PRKX: variants seen among roughly 807,000 people sequenced by gnomAD.
PRKX encodes cAMP-dependent protein kinase catalytic subunit PRKX.
Under a neutral mutation model 22.0 loss-of-function variants are expected in PRKX, and 12 were observed. That is an observed-to-expected ratio of 0.54 (90% CI 0.35 to 0.88). The LOEUF is 0.88. Among genes scored for constraint, PRKX ranks in the 40% least tolerant of loss-of-function variants. PRKX has a pLI of 0.01. For missense variants in PRKX, 217 were observed against 308.0 expected (o/e 0.70, Z 2.21); for synonymous variants, 134 against 137.7 (o/e 0.97, Z 0.19).
chrX:3,613,473 T>G (rs1284593555), intron 7 of PRKX, among the ~76,000 whole-genome samples: 2 of 110,213 alleles, frequency 1.8e-5, no homozygotes, highest in Admixed American at 2.0e-4. Flanking sequence ...CCAATGTGGA[T>G]AGATAAAACG....
intron 4 of PRKX, among the ~76,000 whole-genome samples, chrX:3,633,060 A>C (rs1926816603): frequency 1.8e-5 from 2 of 110,277 alleles, no homozygotes; most frequent in African/African-American, 6.6e-5. Context: ...TCTACAAAAA[A>C]TTTAAAAATT....
In PRKX at chrX:3,659,721, T is replaced by TTG. The variant is rs1569053367; in HGVS notation, c.336-4310_336-4309insCA. On this transcript the variant is annotated intron_variant, in intron 2 of 8. Coordinates refer to ENST00000262848, the MANE Select transcript of PRKX (RefSeq NM_005044.5). ...TGTTGGAGTGGTGTTTTTTTTGTTT[T>TTG]TTTTTTTGTTTTTTTTTTTTTTGAG... 2.0e-4 allele frequency among the ~76,000 whole-genome samples: 9 copies of TTG among 46,070 alleles called. 2 individuals carry two copies. The highest frequency in any genetic ancestry group is 2.0e-4 in the African/African-American group (3 of 14,931). The allele number at this position is 46,070 out of a possible 115,157, so 40.0% of individuals were successfully genotyped here.
At chrX:3,689,926 G>A (rs749100797) in intron 1 of PRKX, among the ~76,000 whole-genome samples, 118 of 111,001 alleles carry the variant, frequency 1.1e-3, no homozygotes, top group African/African-American at 3.3e-3. Flanking sequence ...GCAGTGAGCC[G>A]AGATGGCACC....
chrX:3,685,475 C>A (rs1928159653), intron 1 of PRKX, among the ~76,000 whole-genome samples: 1 of 111,503 alleles, frequency 9.0e-6, no homozygotes, highest in African/African-American at 3.3e-5. Flanking sequence ...AAATAGGGAT[C>A]ATAATCTTTA....
At chrX:3,673,984 G>C (rs1401485941) in intron 2 of PRKX, among the ~76,000 whole-genome samples, 1 of 111,462 alleles carries the variant, frequency 9.0e-6, no homozygotes, top group East Asian at 2.8e-4. Flanking sequence ...ACCGTGTCTT[G>C]ATCTTGGACT....
At chrX:3,655,684 T>C (rs1927466273) in intron 2 of PRKX, among the ~76,000 whole-genome samples, 1 of 112,600 alleles carries the variant, frequency 8.9e-6, no homozygotes, top group Admixed American at 9.4e-5. Flanking sequence ...GATATGGGTG[T>C]ACATCGGGGC....
intron 2 of PRKX, among the ~76,000 whole-genome samples, chrX:3,671,357 A>T (rs1256978287): frequency 9.0e-6 from 1 of 111,489 alleles, no homozygotes; most frequent in Non-Finnish European, 1.9e-5. Context: ...GGCCTCCAAA[A>T]ATGCAGGGAT....
At chrX:3,659,729 G>GTTTTTTTTTTTT (rs200394116) in intron 2 of PRKX, among the ~76,000 whole-genome samples, 1 of 32,657 alleles carries the variant, frequency 3.1e-5, no homozygotes, top group Non-Finnish European at 6.4e-5. Flanking sequence ...TTTTTTTTTT[G>GTTTTTTTTTTTT]TTTTTTTTTT....
At chrX:3,618,918 C>T (rs372834150) in intron 6 of PRKX, among the ~76,000 whole-genome samples, 7 of 111,807 alleles carry the variant, frequency 6.3e-5, no homozygotes, top group Admixed American at 1.9e-4. Flanking sequence ...TATGAAGAGC[C>T]GTGGCACAGA....
chrX:3,682,698 G>A (rs1215287932), intron 1 of PRKX, among the ~76,000 whole-genome samples: 3 of 110,690 alleles, frequency 2.7e-5, no homozygotes, highest in Non-Finnish European at 5.7e-5. Flanking sequence ...GGGACACTTG[G>A]AGCCCCCAGC....
chrX:3,691,831 T>C (rs1440536245), intron 1 of PRKX, among the ~76,000 whole-genome samples: 2 of 97,239 alleles, frequency 2.1e-5, no homozygotes, highest in Non-Finnish European at 4.1e-5. Flanking sequence ...GATAGACAGA[T>C]AGATGGATAG....
intron 7 of PRKX, among the ~76,000 whole-genome samples, chrX:3,613,868 A>AAAAAAAAAAAAAC (rs1441696495): frequency 9.7e-6 from 1 of 103,531 alleles, no homozygotes; most frequent in Admixed American, 1.1e-4. Context: ...AAAAAAAAAA[A>AAAAAAAAAAAAAC]AAAAAAAAAA....
intron 1 of PRKX, among the ~76,000 whole-genome samples, chrX:3,682,986 T>C (rs1480038768): frequency 9.2e-6 from 1 of 109,199 alleles, no homozygotes. Context: ...GAAGGCCATG[T>C]GGAGACGGAG....
intron 8 of PRKX, among the ~76,000 whole-genome samples, chrX:3,610,235 C>T (rs1926265198): frequency 8.9e-6 from 1 of 112,009 alleles, no homozygotes; most frequent in African/African-American, 3.2e-5. Context: ...AATCCCAGCA[C>T]TTTGGGAGGC....
At chrX:3,700,742 C>G (rs1314743396) in intron 1 of PRKX, among the ~76,000 whole-genome samples, 3 of 69,002 alleles carry the variant, frequency 4.3e-5, no homozygotes, top group African/African-American at 2.2e-4. Context: ...CCACGCCCAG[C>G]TAATTGTTTG....
intron 2 of PRKX, among the ~76,000 whole-genome samples, chrX:3,673,742 G>A (rs1401711163): frequency 9.0e-6 from 1 of 111,135 alleles, no homozygotes; most frequent in Admixed American, 9.6e-5. Context: ...TGCTGGAATG[G>A]TCTGAATATC....
intron 1 of PRKX, among the ~76,000 whole-genome samples, chrX:3,711,362 C>A (rs1233779368): frequency 6.3e-5 from 7 of 111,197 alleles, no homozygotes; most frequent in Non-Finnish European, 1.1e-4. Context: ...CCAGAGGCAG[C>A]GACACTCTAT....
At chrX:3,654,153 T>C (rs1235725316) in intron 3 of PRKX, among the ~76,000 whole-genome samples, 2 of 90,967 alleles carry the variant, frequency 2.2e-5, no homozygotes, top group East Asian at 6.4e-4. Context: ...TATGATATAG[T>C]ATGATATAGG....
At chrX:3,638,429 G>A (rs183336930) in intron 4 of PRKX, among the ~76,000 whole-genome samples, 11 of 111,620 alleles carry the variant, frequency 9.9e-5, no homozygotes, top group Non-Finnish European at 1.5e-4. Context: ...AAAACCATTA[G>A]ACTACAGGAT....
Sources: gnomAD v4.1 joint callset for allele counts (sites outside exome capture counted in the v4.1 genomes callset) on GRCh38, gnomAD v4.1.1 for gene constraint, MANE v1.5 for transcripts, NCBI Gene and HGNC (gene_info 2026-07-23, HGNC 2026-07-21) for gene names.